The following PLD5 variants were observed in gnomAD, a reference collection of about 807,000 sequenced individuals.
PLD5 encodes inactive phospholipase D5.
Under a neutral mutation model 61.1 loss-of-function variants are expected in PLD5, and 36 were observed. The observed-to-expected ratio is 0.59, with a 90% CI of 0.45 to 0.78. The LOEUF is 0.78. Among genes scored for constraint, PLD5 ranks in the 30% least tolerant of loss-of-function variants. PLD5 has a pLI of 0.00. For missense variants in PLD5, 515 were observed against 644.4 expected (o/e 0.80, Z 2.17); for synonymous variants, 243 against 242.8 (o/e 1.00, Z -0.01).
intron 1 of PLD5, among the ~76,000 whole-genome samples, chr1:242,501,469 G>C (rs1462940201): frequency 6.6e-6 from 1 of 152,126 alleles, no homozygotes. Context: ...TCCTTCCTTA[G>C]CTTTGCCAGA....
At chr1:242,090,683 T>C (rs1202476390) in intron 9 of PLD5, among the ~76,000 whole-genome samples, 1 of 152,210 alleles carries the variant, frequency 6.6e-6, no homozygotes, top group Non-Finnish European at 1.5e-5. Flanking sequence ...CTCTCAAGTA[T>C]GACTGCCCGT....
intron 1 of PLD5, among the ~76,000 whole-genome samples, chr1:242,422,936 C>T (rs965855419): frequency 6.6e-6 from 1 of 151,406 alleles, no homozygotes. Context: ...GCAGTCTCCA[C>T]CTCCTGGGCT....
intron 5 of PLD5, among the ~76,000 whole-genome samples, chr1:242,155,826 G>A (rs1053178987): frequency 6.6e-6 from 1 of 152,172 alleles, no homozygotes; most frequent in African/African-American, 2.4e-5. Flanking sequence ...TGTATATTCT[G>A]TTGATTTGGG....
In PLD5 at chr1:242,210,046, C is replaced by T. The variant is rs201733943; in HGVS notation, c.735+9942G>A. 1.6e-4 allele frequency among the ~76,000 whole-genome samples: 25 copies of T among 152,302 alleles called. No homozygotes were observed. In the South Asian group the frequency reaches 1.9e-3, roughly 11 times the overall value. ...CTGACCTCAGGTGATCTGCCCGCCT[C>T]GGCCTCCCAAAGTCCTGGGATTACT... On this transcript the variant is annotated intron_variant, in intron 5 of 9. Coordinates refer to ENST00000536534, the MANE Select transcript of PLD5 (RefSeq NM_001372062.1).
chr1:242,226,828 C>T (rs935061356), intron 4 of PLD5, among the ~76,000 whole-genome samples: 1 of 152,054 alleles, frequency 6.6e-6, no homozygotes, highest in Non-Finnish European at 1.5e-5. Flanking sequence ...CTAAACTGTT[C>T]TTAGGATAGT....
intron 2 of PLD5, among the ~76,000 whole-genome samples, chr1:242,294,020 CAT>C (rs944080068): frequency 6.6e-6 from 1 of 152,178 alleles, no homozygotes; most frequent in African/African-American, 2.4e-5. Context: ...TGAGTATACT[CAT>C]ACTTCTCAAG....
intron 1 of PLD5, among the ~76,000 whole-genome samples, chr1:242,401,956 GAGTCATGTTCTA>G: frequency 6.6e-6 from 1 of 152,186 alleles, no homozygotes. Context: ...AATGAGGTTG[GAGTCATGTTCTA>G]AGGTCAAAGG....
At chr1:242,137,656 T>C (rs1181654699) in intron 5 of PLD5, among the ~76,000 whole-genome samples, 4 of 152,134 alleles carry the variant, frequency 2.6e-5, no homozygotes, top group African/African-American at 9.7e-5. Context: ...AGAACCATCC[T>C]ATAAAGTACA....
At chr1:242,514,770 G>C (rs976414171) in intron 1 of PLD5, among the ~76,000 whole-genome samples, 3 of 152,096 alleles carry the variant, frequency 2.0e-5, no homozygotes, top group Non-Finnish European at 4.4e-5. Flanking sequence ...AACAGGGAAG[G>C]TTGTCTAAAG....
intron 1 of PLD5, among the ~76,000 whole-genome samples, chr1:242,415,349 G>C (rs1372332950): frequency 1.3e-5 from 2 of 152,126 alleles, no homozygotes; most frequent in Non-Finnish European, 2.9e-5. Flanking sequence ...CAACCCATCA[G>C]CAGAGGAGAG....
chr1:242,364,293 C>G (rs1436642864), intron 1 of PLD5, among the ~76,000 whole-genome samples: 1 of 152,182 alleles, frequency 6.6e-6, no homozygotes, highest in East Asian at 1.9e-4. Context: ...ATACTATCAA[C>G]CAGCTTCACT....
intron 5 of PLD5, among the ~76,000 whole-genome samples, chr1:242,137,129 A>C (rs957713802): frequency 3.3e-5 from 5 of 152,228 alleles, no homozygotes; most frequent in African/African-American, 1.2e-4. Flanking sequence ...TCCAGGACAC[A>C]TAGCCCTCCT....
chr1:242,257,396 A>G (rs1371652545), intron 4 of PLD5, among the ~76,000 whole-genome samples: 3 of 152,158 alleles, frequency 2.0e-5, no homozygotes, highest in Non-Finnish European at 2.9e-5. Flanking sequence ...AGCTTGCAAC[A>G]CCAGCTGAGC....
At chr1:242,294,468 G>A (rs905257) in intron 2 of PLD5, among the ~76,000 whole-genome samples, 145,973 of 152,272 alleles carry the variant, frequency 0.96, 70,147 homozygotes, top group Middle Eastern at 0.99. Context: ...CATGTATTTG[G>A]CAGCTTTAAG....
At chr1:242,387,183 G>A (rs574338916) in intron 1 of PLD5, among the ~76,000 whole-genome samples, 1 of 152,288 alleles carries the variant, frequency 6.6e-6, no homozygotes, top group South Asian at 2.1e-4. Flanking sequence ...TCTCACCAAA[G>A]TGTCCCATCT....
At chr1:242,444,465 A>G (rs1168964481) in intron 1 of PLD5, among the ~76,000 whole-genome samples, 5 of 151,750 alleles carry the variant, frequency 3.3e-5, no homozygotes, top group Non-Finnish European at 7.4e-5. Flanking sequence ...CACTGTAGCC[A>G]TTAGTAATTT....
chr1:242,336,845 G>C (rs945342094), intron 2 of PLD5, among the ~76,000 whole-genome samples: 4 of 152,194 alleles, frequency 2.6e-5, no homozygotes, highest in African/African-American at 9.7e-5. Context: ...GTAAATCTAA[G>C]ATGATGAGTT....
At chr1:242,485,746 C>G (rs1237596566) in intron 1 of PLD5, among the ~76,000 whole-genome samples, 8 of 152,130 alleles carry the variant, frequency 5.3e-5, no homozygotes, top group Non-Finnish European at 1.0e-4. Context: ...AAAAAGAGCT[C>G]GCATTGCCAA....
At chr1:242,509,667 C>T (rs1237802836) in intron 1 of PLD5, among the ~76,000 whole-genome samples, 1 of 152,186 alleles carries the variant, frequency 6.6e-6, no homozygotes, top group Admixed American at 6.5e-5. Flanking sequence ...CTTCTTATTA[C>T]CTCATTTTGT....
Sources: gnomAD v4.1 joint callset for allele counts (sites outside exome capture counted in the v4.1 genomes callset) on GRCh38, gnomAD v4.1.1 for gene constraint, MANE v1.5 for transcripts, NCBI Gene and HGNC (gene_info 2026-07-23, HGNC 2026-07-21) for gene names.